FHIT: variants seen among roughly 807,000 people sequenced by gnomAD.
FHIT encodes the protein fragile histidine triad diadenosine triphosphatase, also known as bis(5'-adenosyl)-triphosphatase.
A neutral mutation model predicts 17.9 loss-of-function variants in FHIT; 19 were observed. That is an observed-to-expected ratio of 1.06 (90% CI 0.74 to 1.56). The LOEUF is 1.56. FHIT is among the 40% of genes most tolerant of loss of function. The pLI is 0.00. For synonymous variants in FHIT, 81 were observed against 69.7 expected, an observed-to-expected ratio of 1.16 and a Z score of -0.81; for missense variants, 248 against 189.2, an observed-to-expected ratio of 1.31 and a Z score of -1.82.
intron 4 of FHIT, among the ~76,000 whole-genome samples, chr3:60,588,892 T>A (rs2037991271): frequency 6.6e-6 from 1 of 152,008 alleles, no homozygotes; most frequent in Admixed American, 6.6e-5. Flanking sequence ...AAGTCAGAAG[T>A]TTCCCAAGTT....
intron 3 of FHIT, among the ~76,000 whole-genome samples, chr3:61,020,718 A>G (rs2032374673): frequency 6.6e-6 from 1 of 152,200 alleles, no homozygotes; most frequent in African/African-American, 2.4e-5. Flanking sequence ...TGAAAGATGC[A>G]GACTGGCAAA....
chr3:61,162,170 G>A (rs562742539), intron 2 of FHIT, among the ~76,000 whole-genome samples: 6 of 152,144 alleles, frequency 3.9e-5, no homozygotes, highest in Admixed American at 1.3e-4. Context: ...TGACACACTT[G>A]AAGAAATTTT....
chr3:60,782,237 G>GTGTGTGTGTATATATATATATATA (rs1553725880), intron 4 of FHIT, among the ~76,000 whole-genome samples: 12 of 95,584 alleles, frequency 1.3e-4, no homozygotes, highest in African/African-American at 3.5e-4. Context: ...GTGTGTGTGT[G>GTGTGTGTGTATATATATATATATA]TATATATATA....
chr3:60,982,510 C>T (rs1349925920), intron 3 of FHIT, among the ~76,000 whole-genome samples: 1 of 152,230 alleles, frequency 6.6e-6, no homozygotes, highest in Non-Finnish European at 1.5e-5. Flanking sequence ...GCCTGGTCTG[C>T]TTTCATTTCT....
intron 4 of FHIT, among the ~76,000 whole-genome samples, chr3:60,631,461 G>A (rs575944915): frequency 1.3e-5 from 2 of 152,248 alleles, no homozygotes; most frequent in South Asian, 4.2e-4. Context: ...AAATGCGGAG[G>A]GAGATGGCAA....
At chr3:60,925,227 C>T (rs1450899952) in intron 3 of FHIT, among the ~76,000 whole-genome samples, 3 of 152,006 alleles carry the variant, frequency 2.0e-5, no homozygotes, top group Non-Finnish European at 2.9e-5. Context: ...AGATACTCCT[C>T]GAGAAGAGCA....
At chr3:60,419,860 G>A (rs576239354) in intron 5 of FHIT, among the ~76,000 whole-genome samples, 7 of 152,090 alleles carry the variant, frequency 4.6e-5, no homozygotes, top group Admixed American at 6.5e-5. Context: ...CTTTTTCTTC[G>A]TTTTGAAATA....
At chr3:60,303,395 A>T (rs1293976223) in intron 5 of FHIT, among the ~76,000 whole-genome samples, 1 of 152,108 alleles carries the variant, frequency 6.6e-6, no homozygotes, top group Non-Finnish European at 1.5e-5. Context: ...CACAGTAAAG[A>T]ATTTTGAAGT....
At chr3:59,918,715 C>A (rs913145017) in intron 8 of FHIT, among the ~76,000 whole-genome samples, 2 of 152,156 alleles carry the variant, frequency 1.3e-5, no homozygotes, top group African/African-American at 4.8e-5. Flanking sequence ...ATGCATGCAC[C>A]ATTAGCCAGT....
At chr3:60,445,251 A>G (rs1224130571) in intron 5 of FHIT, among the ~76,000 whole-genome samples, 1 of 152,150 alleles carries the variant, frequency 6.6e-6, no homozygotes, top group Non-Finnish European at 1.5e-5. Flanking sequence ...CTCACAGATG[A>G]TGCCAAATGC....
At chr3:60,929,912 C>G (rs1707855346) in intron 3 of FHIT, among the ~76,000 whole-genome samples, 1 of 152,152 alleles carries the variant, frequency 6.6e-6, no homozygotes, top group Admixed American at 6.5e-5. Context: ...CAAGTCAATC[C>G]TAAGCCAAAA....
At chr3:60,080,805 G>C (rs1331513761) in intron 5 of FHIT, 1 of 152,146 alleles carries the variant, frequency 6.6e-6, no homozygotes. Flanking sequence ...GGTGCAGTTT[G>C]TTTGATGACA....
intron 5 of FHIT, among the ~76,000 whole-genome samples, chr3:60,195,108 G>A (rs982236361): frequency 6.6e-6 from 1 of 152,068 alleles, no homozygotes; most frequent in African/African-American, 2.4e-5. Flanking sequence ...GGACGTTGCA[G>A]TTAGCCAAGA....
At chr3:60,181,104 A>G (rs1559704852) in intron 5 of FHIT, among the ~76,000 whole-genome samples, 1 of 149,868 alleles carries the variant, frequency 6.7e-6, no homozygotes, top group Non-Finnish European at 1.5e-5. Context: ...GAATATTACT[A>G]TTACTCTCTA....
intron 1 of FHIT, among the ~76,000 whole-genome samples, chr3:61,205,822 A>G (rs2039210105): frequency 6.6e-6 from 1 of 151,366 alleles, no homozygotes; most frequent in Admixed American, 6.6e-5. Context: ...CTTTAGTTTA[A>G]TTAGATCCCA....
chr3:60,834,881 G>GA (rs71092645), intron 3 of FHIT, among the ~76,000 whole-genome samples: 22,538 of 94,382 alleles, frequency 0.24, 1,850 homozygotes, highest in Middle Eastern at 0.37. Context: ...GAAAAGAAAA[G>GA]AAAAAAAAAA....
At chr3:60,560,478 G>A (rs2036897722) in intron 4 of FHIT, among the ~76,000 whole-genome samples, 1 of 152,038 alleles carries the variant, frequency 6.6e-6, no homozygotes, top group African/African-American at 2.4e-5. Flanking sequence ...AGTAGTGCCT[G>A]GAAATTCTGT....
At chr3:60,982,701 T>A (rs1248658545) in intron 3 of FHIT, among the ~76,000 whole-genome samples, 2 of 152,230 alleles carry the variant, frequency 1.3e-5, no homozygotes, top group African/African-American at 4.8e-5. Flanking sequence ...ATCACTTGTA[T>A]CCTGTGATAA....
At chr3:59,973,063 T>C (rs1223127189) in intron 7 of FHIT, among the ~76,000 whole-genome samples, 1 of 152,066 alleles carries the variant, frequency 6.6e-6, no homozygotes, top group Admixed American at 6.6e-5. Flanking sequence ...CTCTAACTCT[T>C]AAAGTACTTG....
Sources: gnomAD v4.1 joint callset for allele counts (sites outside exome capture counted in the v4.1 genomes callset) on GRCh38, gnomAD v4.1.1 for gene constraint, MANE v1.5 for transcripts, NCBI Gene and HGNC (gene_info 2026-07-23, HGNC 2026-07-21) for gene names.